The following ARL13A variants were observed in gnomAD, a reference collection of about 807,000 sequenced individuals.
The protein encoded by ARL13A is ARF like GTPase 13A, also known as ADP-ribosylation factor-like protein 13A.
ARL13A carries 16 observed loss-of-function variants against 19.1 expected under a neutral mutation model. The observed-to-expected ratio is 0.84, with a 90% CI of 0.57 to 1.27. The LOEUF is 1.27. ARL13A is among the 50% of genes most tolerant of loss of function. ARL13A has a pLI of 0.00. For synonymous variants in ARL13A, 69 were observed against 71.3 expected, an observed-to-expected ratio of 0.97 and a Z score of 0.17; for missense variants, 153 against 186.4, an observed-to-expected ratio of 0.82 and a Z score of 1.04.
At chrX:100,973,435 C>A (rs749128127) in intron 1 of ARL13A, among the ~76,000 whole-genome samples, 2 of 106,563 alleles carry the variant, frequency 1.9e-5, no homozygotes, top group Non-Finnish European at 3.9e-5. Context: ...CGGCGCTCGC[C>A]GGCGCGGCGG....
chrX:100,984,275 G>A (rs769041565), intron 3 of ARL13A, among the ~76,000 whole-genome samples: 2 of 109,397 alleles, frequency 1.8e-5, no homozygotes, highest in African/African-American at 3.3e-5. Flanking sequence ...CACCGCACCC[G>A]GCTAAGTTGT....
At position 100,987,372 on chromosome X, in the gene ARL13A, T is replaced by C; in HGVS notation, c.487-18T>C. ...CCCAGGCTCCAGGTCTGCAGCCTTC[T>C]CTTCTCTTTTGTCACAGGAGCCATG... On this transcript the variant is annotated intron_variant, in intron 5 of 7. Coordinates refer to ENST00000450049, the MANE Select transcript of ARL13A (RefSeq NM_001162491.2). 8.3e-7 allele frequency: 1 copy of C among 1,207,763 alleles called. No homozygotes were observed. The highest frequency in any genetic ancestry group is 1.1e-6 in the Non-Finnish European group (1 of 894,582).
chrX:100,973,786 T>C lies in ARL13A; in HGVS notation c.59+38T>C, dbSNP rs367748484. On this transcript the variant is annotated intron_variant, in intron 2 of 7. Transcript: ENST00000450049. ...TTATTTCCCTAGGCCTATTCCACTATTTCCTCCCACAAATCTGCCCATAGT... is the reference window on the plus strand; with the variant it reads ...TTATTTCCCTAGGCCTATTCCACTACTTCCTCCCACAAATCTGCCCATAGT... The C allele has an allele frequency of 4.9e-4, 573 of 1,159,233 alleles. 1 individual carries two copies. The Middle Eastern group carries it at 5.1e-3, about 10-fold the overall frequency.
At chrX:100,982,759 G>A (rs1296685128) in intron 3 of ARL13A, among the ~76,000 whole-genome samples, 1 of 107,330 alleles carries the variant, frequency 9.3e-6, no homozygotes, top group Non-Finnish European at 1.9e-5. Context: ...AGGCTCAAGC[G>A]ATCCTCCCAC....
chrX:100,973,377 C>A (rs2085708402), intron 1 of ARL13A, among the ~76,000 whole-genome samples: 1 of 99,490 alleles, frequency 1.0e-5, no homozygotes, highest in African/African-American at 3.7e-5. Context: ...GCTCCTTGCC[C>A]TCGGGCCCCG....
intron 1 of ARL13A, 118 bp from the exon 2 acceptor site, chrX:100,973,558 A>T: frequency 1.1e-6 from 1 of 928,933 alleles, no homozygotes. Flanking sequence ...GAAGTAATAG[A>T]CTTCTAACAA....
intron 3 of ARL13A, among the ~76,000 whole-genome samples, chrX:100,978,510 T>G (rs2085803312): frequency 9.0e-6 from 1 of 111,723 alleles, no homozygotes; most frequent in Admixed American, 9.6e-5. Flanking sequence ...GTCTGAAGTA[T>G]AGCTACTCCC....
rs368112701 is a variant in ARL13A, at chrX:100,987,486, C to G, written c.583C>G (p.Leu195Val). The G allele has an allele frequency of 1.7e-6, 2 of 1,209,733 alleles. No individual in the cohort carries two copies. Among genetic ancestry groups the G allele is most frequent in the African/African-American group, 3.5e-5 (2 of 57,230 alleles). ...ATTAGCTGTCATTGATACTTGCCAA[C>G]TACCACCTACCTCGAGCATCTCAAT... ...WLLAVIDTCQLPPTSSISISK... is the reference protein window; with the variant it reads ...WLLAVIDTCQVPPTSSISISK... Residue 195 changes from leucine to valine, a missense_variant, in exon 6 of 8, where the codon CTA becomes GTA. Coordinates refer to ENST00000450049, the MANE Select transcript of ARL13A (RefSeq NM_001162491.2).
At chrX:100,989,608 CAAA>C (rs200862950) in intron 7 of ARL13A, among the ~76,000 whole-genome samples, 2 of 57,312 alleles carry the variant, frequency 3.5e-5, no homozygotes, top group Non-Finnish European at 3.4e-5. Context: ...GACTCCATCT[CAAA>C]AAAAAAAAAA....
intron 1 of ARL13A, among the ~76,000 whole-genome samples, chrX:100,971,281 GT>G (rs1411228159): frequency 1.0e-5 from 1 of 100,320 alleles, no homozygotes; most frequent in African/African-American, 3.8e-5. Context: ...ATCTCTAATA[GT>G]GGGTCACCAA....
intron 7 of ARL13A, 147 bp from the exon 8 acceptor site, chrX:100,990,415 A>G: frequency 2.1e-6 from 2 of 950,212 alleles, no homozygotes; most frequent in African/African-American, 2.0e-5. Flanking sequence ...TCCCTCCCTT[A>G]GCAAACAGGT....
At chrX:100,988,599 G>C (rs1490640329) in intron 7 of ARL13A, 1 of 894,265 alleles carries the variant, frequency 1.1e-6, no homozygotes, top group Non-Finnish European at 1.4e-6. Context: ...ATTTACATAG[G>C]CCTTCCCTAA....
At chrX:100,984,347 C>G (rs1272504933) in intron 3 of ARL13A, among the ~76,000 whole-genome samples, 1 of 109,539 alleles carries the variant, frequency 9.1e-6, no homozygotes, top group East Asian at 2.8e-4. Flanking sequence ...CCATGTTGGC[C>G]AGGCTGGTCT....
At chrX:100,980,196 C>A (rs909613430) in intron 3 of ARL13A, among the ~76,000 whole-genome samples, 4 of 111,781 alleles carry the variant, frequency 3.6e-5, no homozygotes, top group African/African-American at 1.3e-4. Flanking sequence ...CAGCAGGTTC[C>A]TTTCTGGTCC....
chrX:100,979,516 C>A (rs1018032334), intron 3 of ARL13A, among the ~76,000 whole-genome samples: 28 of 111,615 alleles, frequency 2.5e-4, no homozygotes, highest in African/African-American at 9.1e-4. Flanking sequence ...TTTGTGTTAT[C>A]TTGGACTTCA....
At position 100,985,885 on chromosome X, in the gene ARL13A, G is replaced by A. The variant is rs373334251; in HGVS notation, c.349G>A (p.Asp117Asn). ...VKIILTHLLS[D>N]KRVAGKPILI... ...GATCATCTTAACACATCTGCTGTCC[G>A]ATAAAAGAGTGGCAGGGAAACCCAT... Residue 117 changes from aspartate (D) to asparagine (N), a missense_variant, in exon 4 of 8, where the codon GAT becomes AAT. Asp to Asn is a conservative substitution (Grantham distance 23, BLOSUM62 1). Coordinates refer to ENST00000450049, the MANE Select transcript of ARL13A (RefSeq NM_001162491.2). 35 of 1,207,811 alleles carry A rather than the reference G, an allele frequency of 2.9e-5. No individual in the cohort carries two copies. Among genetic ancestry groups the A allele is most frequent in the Non-Finnish European group, 3.9e-5 (35 of 893,840 alleles).
rs766250384 is a variant in ARL13A at position 100,988,509 on chromosome X, G to A, written c.744+226G>A. 57 of 1,165,552 alleles carry A rather than the reference G, an allele frequency of 4.9e-5. No individual in the cohort carries two copies. In the African/African-American group the frequency reaches 9.8e-4, roughly 20 times the overall value. ...CTACGAAGCTTTGCTACAATTGAAG[G>A]AGTGGCTTATAGACTCCAGCTCCAT... On this transcript the variant is annotated intron_variant, in intron 7 of 7. Coordinates refer to ENST00000450049, the MANE Select transcript of ARL13A (RefSeq NM_001162491.2).
intron 3 of ARL13A, among the ~76,000 whole-genome samples, chrX:100,981,924 G>A: frequency 9.2e-6 from 1 of 108,726 alleles, no homozygotes; most frequent in East Asian, 2.9e-4. Context: ...TTCCTGCAGG[G>A]GTGACCATCA....
chrX:100,970,508 C>A (rs1374105766), intron 1 of ARL13A, among the ~76,000 whole-genome samples: 1 of 112,169 alleles, frequency 8.9e-6, no homozygotes, highest in East Asian at 2.8e-4. Flanking sequence ...GCTAACCCAA[C>A]CAGGGCTTCC....
Sources: gnomAD v4.1 joint callset for allele counts (sites outside exome capture counted in the v4.1 genomes callset) on GRCh38, gnomAD v4.1.1 for gene constraint, MANE v1.5 for transcripts, NCBI Gene and HGNC (gene_info 2026-07-23, HGNC 2026-07-21) for gene names.